The following KCNH1 variants were observed in gnomAD, a reference collection of about 807,000 sequenced individuals.
KCNH1 encodes voltage-gated delayed rectifier potassium channel KCNH1.
Under a neutral mutation model 69.2 loss-of-function variants are expected in KCNH1, and 27 were observed. The ratio of observed to expected loss-of-function variants is 0.39; its 90% CI spans 0.29 to 0.54. The LOEUF is 0.54. Among genes scored for constraint, KCNH1 ranks in the 20% least tolerant of loss-of-function variants. The pLI is 0.68. For missense variants in KCNH1, 798 were observed against 1,261.6 expected, an observed-to-expected ratio of 0.63 and a Z score of 5.57; for synonymous variants, 456 against 487.7, an observed-to-expected ratio of 0.93 and a Z score of 0.86.
chr1:210,684,064 CA>C lies in KCNH1; in HGVS notation c.2186del (p.Leu729ArgfsTer36), dbSNP rs763499222. The C allele has an allele frequency of 3.9e-6, 6 of 1,527,830 alleles. No homozygotes were observed. The highest frequency in any genetic ancestry group is 2.2e-5 in the Admixed American group (1 of 46,296). 94.6% of individuals were successfully genotyped at this position (1,527,830 alleles called of 1,614,324 possible). A position where few individuals can be genotyped will look rare whatever the true frequency, so the allele number is the denominator to read the frequency against. On this transcript the variant is annotated frameshift_variant, in exon 11 of 11. Coordinates refer to ENST00000271751, the MANE Select transcript of KCNH1 (RefSeq NM_172362.3). LOFTEE classifies it low-confidence loss of function (END_TRUNC). Reference protein sequence around the residue: ...ERMKRKNEAPLILPPDHPVRR... With the variant: ...ERMKRKNEAPXILPPDHPVRR... Reference sequence around the variant, plus strand: ...GGACAGGGTGGTCCGGGGGCAAGATCAGGGGGGCCTCATTCTTTCGTTTCAT... The same window carrying C: ...GGACAGGGTGGTCCGGGGGCAAGATCGGGGGGCCTCATTCTTTCGTTTCAT...
At chr1:210,913,174 C>A (rs904876179) in intron 7 of KCNH1, among the ~76,000 whole-genome samples, 2 of 152,072 alleles carry the variant, frequency 1.3e-5, no homozygotes, top group African/African-American at 4.8e-5. Flanking sequence ...TTTTAAAAAA[C>A]CAGGTTATAG....
At chr1:210,989,277 A>G (rs1178533712) in intron 6 of KCNH1, among the ~76,000 whole-genome samples, 1 of 152,242 alleles carries the variant, frequency 6.6e-6, no homozygotes, top group Non-Finnish European at 1.5e-5. Flanking sequence ...CAAACTTCCA[A>G]TATGTTTATG....
intron 5 of KCNH1, among the ~76,000 whole-genome samples, chr1:211,067,367 G>A (rs1325902567): frequency 1.3e-5 from 2 of 152,182 alleles, no homozygotes; most frequent in Admixed American, 1.3e-4. Flanking sequence ...AGCTTCCAGT[G>A]AGCACCCACC....
intron 10 of KCNH1, among the ~76,000 whole-genome samples, chr1:210,693,979 C>T (rs191239528): frequency 7.9e-5 from 12 of 152,290 alleles, no homozygotes; most frequent in East Asian, 7.7e-4. Flanking sequence ...CCTGCTTGCC[C>T]GCTTATGTCT....
chr1:210,895,638 C>CCACA (rs1280565152), intron 7 of KCNH1, among the ~76,000 whole-genome samples: 1 of 152,080 alleles, frequency 6.6e-6, no homozygotes, highest in African/African-American at 2.4e-5. Flanking sequence ...AATTATCTTC[C>CCACA]CACACATACC....
chr1:210,993,374 A>G (rs962195258), intron 6 of KCNH1, among the ~76,000 whole-genome samples: 10 of 152,180 alleles, frequency 6.6e-5, no homozygotes, highest in Non-Finnish European at 1.5e-4. Context: ...GTAGTCAATT[A>G]CTAAGCACTG....
chr1:210,678,891 A>T lies in KCNH1; in HGVS notation c.*4390T>A, dbSNP rs576131682. On this transcript the variant is annotated 3_prime_UTR_variant, in exon 11 of 11. Coordinates refer to ENST00000271751, the MANE Select transcript of KCNH1 (RefSeq NM_172362.3). ...GGGACAGTGGCTGTAAGAAAAGTTT[A>T]ATGGCAGGCAGGGAGGGCACCCACC... The T allele has an allele frequency of 6.6e-6, 1 of 152,328 alleles. No individual in the cohort carries two copies. The highest frequency in any genetic ancestry group is 1.9e-4 in the East Asian group (1 of 5,182). The allele number at this position is 152,328 out of a possible 1,614,324, so 9.4% of individuals were successfully genotyped here.
chr1:210,879,237 G>A (rs1474398307), intron 7 of KCNH1, among the ~76,000 whole-genome samples: 1 of 151,922 alleles, frequency 6.6e-6, no homozygotes, highest in Non-Finnish European at 1.5e-5. Context: ...TCAAAATATA[G>A]AAACAGAATA....
chr1:210,921,950 C>T (rs1000018206), intron 6 of KCNH1, among the ~76,000 whole-genome samples: 2 of 152,148 alleles, frequency 1.3e-5, no homozygotes, highest in Admixed American at 6.5e-5. Context: ...CTGACAAATA[C>T]GGAGCCCCTC....
intron 6 of KCNH1, among the ~76,000 whole-genome samples, chr1:210,966,223 A>C (rs188084940): frequency 2.1e-3 from 313 of 152,348 alleles, no homozygotes; most frequent in African/African-American, 7.1e-3. Flanking sequence ...CACCTTATAC[A>C]AAAATTAACT....
chr1:210,879,344 G>A (rs1183412215), intron 7 of KCNH1, among the ~76,000 whole-genome samples: 2 of 151,880 alleles, frequency 1.3e-5, no homozygotes, highest in Non-Finnish European at 2.9e-5. Context: ...CATGAATAGA[G>A]ACACAAAAAT....
chr1:210,683,505 G>A lies in KCNH1; in HGVS notation c.2746C>T (p.Pro916Ser). 3 of 1,614,100 alleles carry A rather than the reference G, an allele frequency of 1.9e-6. No homozygotes were observed. In the East Asian group the frequency reaches 6.7e-5, roughly 36 times the overall value. Residue 916 changes from proline (P) to serine (S), a missense_variant, in exon 11 of 11, where the codon CCC becomes TCC. Pro to Ser is a moderately conservative substitution (Grantham distance 74). Transcript: ENST00000271751. The surrounding 1 kb of genome is among the most constrained non-coding windows in gnomAD (Gnocchi z 5.7). Reference sequence around the variant, plus strand: ...GCCTGCAGCGTCTGCTCAGGGATGGGGTAGAACGAATGCTTGACCTCTGCC... The same window carrying A: ...GCCTGCAGCGTCTGCTCAGGGATGGAGTAGAACGAATGCTTGACCTCTGCC... ...ILAEVKHSFY[P>S]IPEQTLQATV...
intron 6 of KCNH1, among the ~76,000 whole-genome samples, chr1:211,011,204 A>G (rs1689386141): frequency 6.6e-6 from 1 of 151,892 alleles, no homozygotes; most frequent in Admixed American, 6.6e-5. Flanking sequence ...TTCAACTCCC[A>G]CTTATGAGTG....
At chr1:210,760,341 G>A (rs926216346) in intron 10 of KCNH1, among the ~76,000 whole-genome samples, 3 of 152,172 alleles carry the variant, frequency 2.0e-5, no homozygotes, top group African/African-American at 7.2e-5. Context: ...ACTAAGAACA[G>A]ACTTCTCAGC....
intron 6 of KCNH1, among the ~76,000 whole-genome samples, chr1:210,974,647 T>A (rs1688570047): frequency 7.0e-6 from 1 of 143,566 alleles, no homozygotes; most frequent in African/African-American, 2.6e-5. Context: ...CACTGCAAAC[T>A]CCACCTCCCA....
chr1:211,083,088 T>C (rs569963422), intron 4 of KCNH1, among the ~76,000 whole-genome samples, 190 bp from the exon 5 acceptor site: 2 of 152,362 alleles, frequency 1.3e-5, no homozygotes, highest in African/African-American at 4.8e-5. Context: ...AACTTGCTTT[T>C]CCCCTGCACT....
chr1:210,980,256 A>G (rs1157689007), intron 6 of KCNH1, among the ~76,000 whole-genome samples: 1 of 152,226 alleles, frequency 6.6e-6, no homozygotes, highest in Non-Finnish European at 1.5e-5. Context: ...ATGCAGGTTA[A>G]GACATGATGA....
At chr1:210,753,625 G>A (rs907752608) in intron 10 of KCNH1, among the ~76,000 whole-genome samples, 1 of 152,168 alleles carries the variant, frequency 6.6e-6, no homozygotes, top group African/African-American at 2.4e-5. Flanking sequence ...ATAACTCATA[G>A]TAAACTCACT....
chr1:211,108,092 C>T (rs1691391634), intron 1 of KCNH1, among the ~76,000 whole-genome samples: 2 of 152,194 alleles, frequency 1.3e-5, no homozygotes, highest in South Asian at 4.2e-4. Context: ...GCCTACCACA[C>T]ACTCATAATG....
Sources: gnomAD v4.1 joint callset for allele counts (sites outside exome capture counted in the v4.1 genomes callset) on GRCh38, gnomAD v4.1.1 for gene constraint, Gnocchi (gnomAD v3.1) non-coding constraint, MANE v1.5 for transcripts, NCBI Gene and HGNC (gene_info 2026-07-23, HGNC 2026-07-21) for gene names.